The following PLEKHM3 variants were observed in gnomAD, a reference collection of about 807,000 sequenced individuals.
PLEKHM3 encodes pleckstrin homology domain containing M3.
A neutral mutation model predicts 81.8 loss-of-function variants in PLEKHM3; 45 were observed. That is an observed-to-expected ratio of 0.55 (90% CI 0.43 to 0.71). The LOEUF is 0.71. PLEKHM3 is among the 30% of genes least tolerant of loss of function. The probability of loss-of-function intolerance (pLI) is 0.00; values close to 1 mark genes in which losing one functional copy is unlikely to be tolerated. For synonymous variants in PLEKHM3, 352 were observed against 356.4 expected (o/e 0.99, Z 0.14); for missense variants, 788 against 924.3 (o/e 0.85, Z 1.91).
At chr2:208,020,016 C>T (rs533552155) in intron 1 of PLEKHM3, among the ~76,000 whole-genome samples, 1 of 152,332 alleles carries the variant, frequency 6.6e-6, no homozygotes, top group East Asian at 1.9e-4. Flanking sequence ...AGCAAAAAAT[C>T]TGCTAGTTAT....
intron 6 of PLEKHM3, among the ~76,000 whole-genome samples, chr2:207,894,307 C>A (rs1367590239): frequency 6.6e-6 from 1 of 152,124 alleles, no homozygotes; most frequent in Admixed American, 6.5e-5. Context: ...CACCGTGGCA[C>A]CAGTTGAAAC....
Position 208,022,656 on chromosome 2 carries a change from C to T in PLEKHM3, c.-319+2733G>A, listed in dbSNP as rs115489060. Among the ~76,000 whole-genome samples, 457 of 152,256 alleles carry T rather than the reference C, an allele frequency of 3.0e-3. 2 individuals are homozygous for T. The highest frequency in any genetic ancestry group is 9.9e-3 in the African/African-American group (412 of 41,544). On this transcript the variant is annotated intron_variant, in intron 1 of 7. Transcript: ENST00000427836. ...AACAGTTCCTCTCCACCTTCGAAGC[C>T]GCAACACAGTATGTTGAGTCCTTCC...
At chr2:207,966,701 T>C (rs1219427790) in intron 3 of PLEKHM3, among the ~76,000 whole-genome samples, 1 of 152,040 alleles carries the variant, frequency 6.6e-6, no homozygotes, top group Non-Finnish European at 1.5e-5. Flanking sequence ...TACAGGTGCC[T>C]GCCACCATGC....
chr2:207,888,383 A>G (rs952863158), intron 6 of PLEKHM3, among the ~76,000 whole-genome samples: 4 of 150,646 alleles, frequency 2.7e-5, no homozygotes, highest in Admixed American at 1.3e-4. Context: ...ACACACTTGG[A>G]TAATTCCTTT....
chr2:207,834,106 C>T (rs2092303719), intron 7 of PLEKHM3, among the ~76,000 whole-genome samples: 1 of 151,100 alleles, frequency 6.6e-6, no homozygotes, highest in Non-Finnish European at 1.5e-5. Flanking sequence ...CACTCCCTAT[C>T]AACTCACTCT....
rs758200612 is a variant in PLEKHM3, at chr2:207,930,995, T to TGCCGCA, written c.1811_1816dup (p.Leu604_Arg605dup). 24 of 1,613,768 alleles carry TGCCGCA rather than the reference T, an allele frequency of 1.5e-5. No homozygotes were observed. Among genetic ancestry groups the TGCCGCA allele is most frequent in the Non-Finnish European group, 2.0e-5 (24 of 1,179,750 alleles). On this transcript the variant is annotated inframe_insertion, in exon 5 of 8. Coordinates refer to ENST00000427836, the MANE Select transcript of PLEKHM3 (RefSeq NM_001080475.3). ...ATAGGCTCGGAGCGACTTCAGCCGC[T>TGCCGCA]GCCGCAGCCGCAGCACGGCGGCCAG...
chr2:207,924,125 G>C (rs907893632), intron 5 of PLEKHM3, among the ~76,000 whole-genome samples: 5 of 150,866 alleles, frequency 3.3e-5, no homozygotes, highest in African/African-American at 1.2e-4. Context: ...GGCTGGTCTT[G>C]AACTCCTGGC....
chr2:207,955,781 C>A (rs1438935947), intron 3 of PLEKHM3, among the ~76,000 whole-genome samples: 1 of 152,160 alleles, frequency 6.6e-6, no homozygotes. Context: ...AGGACAAAAA[C>A]TATGAATCAA....
chr2:207,897,584 A>G (rs1688266413), intron 6 of PLEKHM3, among the ~76,000 whole-genome samples: 1 of 152,172 alleles, frequency 6.6e-6, no homozygotes, highest in Non-Finnish European at 1.5e-5. Flanking sequence ...TTCTGGGGTG[A>G]GTCGGCATTT....
intron 2 of PLEKHM3, among the ~76,000 whole-genome samples, chr2:207,999,565 A>G (rs1692228370): frequency 1.3e-5 from 2 of 152,172 alleles, no homozygotes; most frequent in Non-Finnish European, 2.9e-5. Context: ...CAATTACATC[A>G]TCATATTCCA....
chr2:207,825,538 T>G lies in PLEKHM3; in HGVS notation c.*2781A>C, dbSNP rs796211414. ...AAGCAGTGGAACAATTACCTAACAG[T>G]GCACCAAGTAATTTGTTAAAGTTGA... On this transcript the variant is annotated 3_prime_UTR_variant, in exon 8 of 8. Coordinates refer to ENST00000427836, the MANE Select transcript of PLEKHM3 (RefSeq NM_001080475.3). 1 of 152,210 alleles carries G rather than the reference T, an allele frequency of 6.6e-6. No individual in the cohort carries two copies. The highest frequency in any genetic ancestry group is 2.1e-4 in the South Asian group (1 of 4,830). 9.4% of individuals were successfully genotyped at this position (152,210 alleles called of 1,614,324 possible).
At chr2:207,859,543 A>G (rs1293242085) in intron 7 of PLEKHM3, among the ~76,000 whole-genome samples, 2 of 151,422 alleles carry the variant, frequency 1.3e-5, no homozygotes, top group Non-Finnish European at 2.9e-5. Flanking sequence ...TCTACTTTTT[A>G]GCTATTACGA....
chr2:207,908,611 G>A, intron 5 of PLEKHM3, 34 bp from the exon 6 acceptor site: 1 of 1,545,068 alleles, frequency 6.5e-7, no homozygotes. Flanking sequence ...AGTGAACTGT[G>A]GTGCTGCCAT....
intron 1 of PLEKHM3, among the ~76,000 whole-genome samples, chr2:208,002,545 C>T (rs546681048): frequency 6.6e-6 from 1 of 152,228 alleles, no homozygotes; most frequent in South Asian, 2.1e-4. Flanking sequence ...GCTCCAAACT[C>T]CCCAAGACTT....
At position 207,977,582 on chromosome 2, in the gene PLEKHM3, G is replaced by C; in HGVS notation, c.615C>G (p.His205Gln). 1 of 1,600,504 alleles carries C rather than the reference G, an allele frequency of 6.2e-7. No individual in the cohort carries two copies. Residue 205 changes from histidine to glutamine, a missense_variant, in exon 3 of 8, where the codon CAC (histidine) becomes CAG (glutamine). Physicochemically the swap from His to Gln is conservative, Grantham distance 24. Transcript: ENST00000427836. ...KIEDAQGNTEHKQTFPNILKK... is the reference protein window; with the variant it reads ...KIEDAQGNTEQKQTFPNILKK... Reference sequence around the variant, plus strand: ...TTAGAATGTTTGGGAATGTCTGCTTGTGTTCTAGAAAGGAAAAGAGAGGCA... The same window carrying C: ...TTAGAATGTTTGGGAATGTCTGCTTCTGTTCTAGAAAGGAAAAGAGAGGCA...
intron 2 of PLEKHM3, among the ~76,000 whole-genome samples, chr2:207,993,589 T>C (rs1691971151): frequency 6.6e-6 from 1 of 151,764 alleles, no homozygotes; most frequent in Non-Finnish European, 1.5e-5. Flanking sequence ...TATACTGCCA[T>C]GGTTTTTCTA....
At chr2:208,006,468 T>C (rs988947431) in intron 1 of PLEKHM3, among the ~76,000 whole-genome samples, 1 of 152,226 alleles carries the variant, frequency 6.6e-6, no homozygotes, top group Non-Finnish European at 1.5e-5. Flanking sequence ...ACTCACTTGC[T>C]GGGTGGCCTC....
At chr2:207,960,852 G>T (rs889809066) in intron 3 of PLEKHM3, among the ~76,000 whole-genome samples, 1 of 152,190 alleles carries the variant, frequency 6.6e-6, no homozygotes. Flanking sequence ...CCATTATGAG[G>T]CCATAAGACG....
At chr2:208,015,969 G>C (rs1039385089) in intron 1 of PLEKHM3, among the ~76,000 whole-genome samples, 1 of 152,184 alleles carries the variant, frequency 6.6e-6, no homozygotes, top group African/African-American at 2.4e-5. Context: ...CGAGGCAGGT[G>C]GATCACCTGA....
Sources: gnomAD v4.1 joint callset for allele counts (sites outside exome capture counted in the v4.1 genomes callset) on GRCh38, gnomAD v4.1.1 for gene constraint, MANE v1.5 for transcripts, NCBI Gene and HGNC (gene_info 2026-07-23, HGNC 2026-07-21) for gene names.